DPP10: variants seen among roughly 807,000 people sequenced by gnomAD.
The protein encoded by DPP10 is dipeptidyl peptidase like 10.
In DPP10, 33 loss-of-function variants were observed where a neutral mutation model predicts 120.9. The ratio of observed to expected loss-of-function variants is 0.27; its 90% CI spans 0.21 to 0.37. The LOEUF is 0.37. Ranked by LOEUF, DPP10 falls within the 10% of genes least tolerant of loss-of-function variation. The pLI, the probability that DPP10 is intolerant of heterozygous loss-of-function variation, is 1.00. For synonymous variants in DPP10, 337 were observed against 326.1 expected, an observed-to-expected ratio of 1.03 and a Z score of -0.36; for missense variants, 816 against 942.8, an observed-to-expected ratio of 0.87 and a Z score of 1.76.
intron 1 of DPP10, among the ~76,000 whole-genome samples, chr2:115,289,181 C>T (rs571011201): frequency 3.3e-5 from 5 of 151,922 alleles, no homozygotes; most frequent in South Asian, 2.1e-4. Context: ...AGAACTCAAC[C>T]GCTTTTATAA....
intron 3 of DPP10, among the ~76,000 whole-genome samples, chr2:115,370,884 CAG>C (rs1319772075): frequency 6.6e-6 from 1 of 152,034 alleles, no homozygotes; most frequent in African/African-American, 2.4e-5. Flanking sequence ...AGAACTAACT[CAG>C]AGAATCACTG....
intron 1 of DPP10, among the ~76,000 whole-genome samples, chr2:114,727,125 G>A (rs1192130608): frequency 3.9e-5 from 6 of 152,264 alleles, no homozygotes; most frequent in Admixed American, 1.3e-4. Context: ...TAGCAACAGC[G>A]TGCTGTTGGC....
intron 5 of DPP10, among the ~76,000 whole-genome samples, chr2:115,676,269 A>G (rs2090251190): frequency 6.6e-6 from 1 of 152,210 alleles, no homozygotes; most frequent in Non-Finnish European, 1.5e-5. Flanking sequence ...GACACTGCTG[A>G]CATTGATTAC....
At chr2:115,840,319 GT>G (rs1310199623) in intron 24 of DPP10, among the ~76,000 whole-genome samples, 1 of 79,510 alleles carries the variant, frequency 1.3e-5, no homozygotes, top group South Asian at 4.4e-4. Context: ...AGGTTTTTTG[GT>G]TTTTTTTTTT....
intron 1 of DPP10, among the ~76,000 whole-genome samples, chr2:114,494,172 A>G (rs1476928092): frequency 6.7e-6 from 1 of 149,896 alleles, no homozygotes; most frequent in East Asian, 2.0e-4. Context: ...TTCTGGAGGC[A>G]GACTGCCTGA....
At chr2:115,502,873 G>GT (rs5833603) in intron 4 of DPP10, among the ~76,000 whole-genome samples, 26 of 146,276 alleles carry the variant, frequency 1.8e-4, no homozygotes, top group African/African-American at 6.5e-4. Flanking sequence ...TTTTAAAACA[G>GT]TTTTTTTTTT....
chr2:115,059,685 GAAA>G (rs34515129), intron 1 of DPP10, among the ~76,000 whole-genome samples: 6 of 116,344 alleles, frequency 5.2e-5, no homozygotes, highest in African/African-American at 1.4e-4. Context: ...ACCTCAACAG[GAAA>G]AAAAAAAAAA....
chr2:114,793,836 C>G (rs1308843392), intron 1 of DPP10, among the ~76,000 whole-genome samples: 1 of 152,160 alleles, frequency 6.6e-6, no homozygotes, highest in South Asian at 2.1e-4. Context: ...ATTATGACCA[C>G]ACTATGTAAT....
At chr2:114,584,754 AT>A (rs1450917795) in intron 1 of DPP10, among the ~76,000 whole-genome samples, 2 of 151,980 alleles carry the variant, frequency 1.3e-5, no homozygotes, top group African/African-American at 4.8e-5. Flanking sequence ...GGCCTGACAA[AT>A]GCAGGCTTTA....
chr2:115,119,440 G>T (rs2049708923), intron 1 of DPP10, among the ~76,000 whole-genome samples: 1 of 152,112 alleles, frequency 6.6e-6, no homozygotes. Context: ...ATCACCTGAT[G>T]GTCACCTGAC....
In DPP10 at chr2:114,958,904, G is replaced by A. The variant is rs148649125; in HGVS notation, c.61-350335G>A. ...CATTTTCCAGGGTTAAAAAAAGGGG[G>A]TAACTCATTGATGTAGATCACTCTA... On this transcript the variant is annotated intron_variant, in intron 1 of 25. Transcript: ENST00000410059. 1.0e-3 allele frequency among the ~76,000 whole-genome samples: 155 copies of A among 152,274 alleles called. 1 individual carries two copies. Among genetic ancestry groups the A allele is most frequent in the African/African-American group, 3.0e-3 (126 of 41,562 alleles).
Position 115,590,494 on chromosome 2 carries a change from A to G in DPP10, c.441+64522A>G, listed in dbSNP as rs1284781486. ...CATCCATGTCCCTACAAAGGACATG[A>G]ACTCATCCTTTTTTATAGCTGCGTA... is the stretch of plus-strand genomic sequence containing the variant. On this transcript the variant is annotated intron_variant, in intron 5 of 25. Coordinates refer to ENST00000410059, the MANE Select transcript of DPP10 (RefSeq NM_020868.6). Among the ~76,000 whole-genome samples, 5 of 152,314 alleles carry G rather than the reference A, an allele frequency of 3.3e-5. No individual in the cohort carries two copies. In the East Asian group the frequency reaches 9.7e-4, roughly 29 times the overall value.
At chr2:115,202,084 C>T (rs1028010056) in intron 1 of DPP10, among the ~76,000 whole-genome samples, 1 of 152,126 alleles carries the variant, frequency 6.6e-6, no homozygotes, top group African/African-American at 2.4e-5. Flanking sequence ...AACTCAGCCA[C>T]AGATGCATTT....
intron 19 of DPP10, among the ~76,000 whole-genome samples, chr2:115,802,411 T>G (rs1237049788): frequency 6.6e-6 from 1 of 152,150 alleles, no homozygotes; most frequent in Admixed American, 6.5e-5. Flanking sequence ...TTTGAAGGGT[T>G]TTTTGTGTCT....
intron 7 of DPP10, among the ~76,000 whole-genome samples, chr2:115,702,304 A>T (rs991600699): frequency 1.3e-5 from 2 of 152,012 alleles, no homozygotes; most frequent in Non-Finnish European, 2.9e-5. Context: ...CTCCTCAAAC[A>T]ATTAAACAGA....
At chr2:115,752,942 C>T (rs1678933533) in intron 10 of DPP10, among the ~76,000 whole-genome samples, 1 of 151,908 alleles carries the variant, frequency 6.6e-6, no homozygotes, top group Non-Finnish European at 1.5e-5. Context: ...TATTTGTATA[C>T]ATATGTATAC....
chr2:114,750,398 A>G (rs1050089875), intron 1 of DPP10, among the ~76,000 whole-genome samples: 2 of 151,990 alleles, frequency 1.3e-5, no homozygotes, highest in African/African-American at 4.8e-5. Flanking sequence ...CAGTGGCACA[A>G]TCTTGGCTCA....
intron 1 of DPP10, among the ~76,000 whole-genome samples, chr2:115,187,049 T>G (rs925471530): frequency 1.1e-4 from 13 of 118,442 alleles, no homozygotes; most frequent in Non-Finnish European, 2.3e-4. Flanking sequence ...TTTTTTTTTT[T>G]TTTTTTGAGA....
At chr2:115,822,375 A>G (rs986475942) in intron 21 of DPP10, among the ~76,000 whole-genome samples, 3 of 151,960 alleles carry the variant, frequency 2.0e-5, no homozygotes, top group African/African-American at 7.2e-5. Flanking sequence ...AAAATCAAAT[A>G]GTAGTAGTTC....
Sources: gnomAD v4.1 joint callset for allele counts (sites outside exome capture counted in the v4.1 genomes callset) on GRCh38, gnomAD v4.1.1 for gene constraint, MANE v1.5 for transcripts, NCBI Gene and HGNC (gene_info 2026-07-23, HGNC 2026-07-21) for gene names.